The following HEXB variants were observed in gnomAD, a reference collection of about 807,000 sequenced individuals.
The protein encoded by HEXB is beta-hexosaminidase subunit beta.
A neutral mutation model predicts 71.2 loss-of-function variants in HEXB; 51 were observed. The observed-to-expected ratio is 0.72, with a 90% CI of 0.57 to 0.90. HEXB has a LOEUF of 0.90. Among genes scored for constraint, HEXB ranks in the 40% least tolerant of loss-of-function variants. HEXB has a pLI of 0.00. For missense variants in HEXB, 617 were observed against 677.0 expected (o/e 0.91, Z 0.98); for synonymous variants, 266 against 249.3 (o/e 1.07, Z -0.63).
At chr5:74,686,668 T>C (rs1580378044) in intron 1 of HEXB, among the ~76,000 whole-genome samples, 1 of 152,296 alleles carries the variant, frequency 6.6e-6, no homozygotes, top group African/African-American at 2.4e-5. Context: ...TACAACTAAA[T>C]GGGTATTATC....
At chr5:74,668,228 G>A (rs1748470128) in intron 1 of HEXB, among the ~76,000 whole-genome samples, 1 of 93,336 alleles carries the variant, frequency 1.1e-5, no homozygotes, top group African/African-American at 5.6e-5. Context: ...TTTTTGTTTT[G>A]TTTGTGTGTG....
rs1392819884 is a variant in HEXB at position 74,652,007 on chromosome 5, T to A, written c.-377+11449T>A. Among the ~76,000 whole-genome samples the A allele has an allele frequency of 2.0e-5, 3 of 152,212 alleles. No homozygotes were observed. The highest frequency in any genetic ancestry group is 4.8e-5 in the African/African-American group (2 of 41,464). The stretch of plus-strand genomic sequence containing the variant: ...TGCCAGCTCTGTGTAAAACTACTCT[T>A]ATGCCAGACAAACTAGGACGTGTCT... On this transcript the variant is annotated intron_variant, in intron 1 of 13. Transcript: ENST00000511181. This position sits in a 1 kb window ranked among gnomAD's most constrained non-coding sequence, Gnocchi z 5.4.
At chr5:74,648,404 C>T (rs1748040098) in intron 1 of HEXB, among the ~76,000 whole-genome samples, 1 of 152,184 alleles carries the variant, frequency 6.6e-6, no homozygotes, top group African/African-American at 2.4e-5. Context: ...TGGAGGCACA[C>T]TCAAATAGTA....
chr5:74,662,710 A>G (rs1748350104), intron 1 of HEXB, among the ~76,000 whole-genome samples: 1 of 152,230 alleles, frequency 6.6e-6, no homozygotes, highest in South Asian at 2.1e-4. Context: ...GCTTATTTAT[A>G]GGTAAAAATC....
intron 11 of HEXB, 121 bp downstream of exon 11, chr5:74,719,092 A>G: frequency 1.2e-6 from 1 of 863,306 alleles, no homozygotes; most frequent in South Asian, 1.4e-5. Context: ...AGAAGTCTTT[A>G]CCTAGATATT....
At chr5:74,688,823 G>T (rs1005327034) in intron 1 of HEXB, among the ~76,000 whole-genome samples, 11 of 152,198 alleles carry the variant, frequency 7.2e-5, no homozygotes, top group African/African-American at 2.7e-4. Flanking sequence ...TTTAGGGCAA[G>T]TTGACCAAGT....
At chr5:74,704,647 A>G (rs1749338928) in intron 5 of HEXB, among the ~76,000 whole-genome samples, 1 of 152,314 alleles carries the variant, frequency 6.6e-6, no homozygotes, top group African/African-American at 2.4e-5. Context: ...ACTGCTACAT[A>G]TTGGGAATCT....
chr5:74,673,399 G>A (rs768470448), intron 1 of HEXB, among the ~76,000 whole-genome samples: 3 of 152,170 alleles, frequency 2.0e-5, no homozygotes, highest in Non-Finnish European at 2.9e-5. Flanking sequence ...CAGGAGCTCC[G>A]TCCCTGCCAC....
At chr5:74,705,375 C>T in intron 6 of HEXB, 55 bp downstream of exon 6, 2 of 945,730 alleles carry the variant, frequency 2.1e-6, no homozygotes, top group Admixed American at 1.7e-5. Context: ...AGTTTCATTA[C>T]AAGTTTGTAG....
intron 1 of HEXB, among the ~76,000 whole-genome samples, chr5:74,672,057 G>A (rs1213724037): frequency 8.5e-5 from 13 of 152,210 alleles, no homozygotes; most frequent in Admixed American, 8.5e-4. Context: ...TGCAAAGCTT[G>A]CAGTCTGATC....
intron 1 of HEXB, among the ~76,000 whole-genome samples, chr5:74,665,116 G>A (rs79672733): frequency 0.016 from 2,462 of 152,208 alleles, 56 homozygotes; most frequent in African/African-American, 0.056. Flanking sequence ...AATTTAAAAT[G>A]TCCCCAAATA....
chr5:74,683,643 T>G (rs114321132), upstream of HEXB, among the ~76,000 whole-genome samples: 1,612 of 151,624 alleles, frequency 0.011, 22 homozygotes, highest in African/African-American at 0.037. Flanking sequence ...AAAAGAGGAA[T>G]TCTAGTTTCT....
At chr5:74,666,455 T>C (rs1270719279) in intron 1 of HEXB, among the ~76,000 whole-genome samples, 2 of 152,218 alleles carry the variant, frequency 1.3e-5, no homozygotes, top group South Asian at 2.1e-4. Flanking sequence ...CTGGTTGTCA[T>C]TGTCTGCAAG....
At position 74,652,254 on chromosome 5, in the gene HEXB, A is replaced by G. The variant is rs1169167842; in HGVS notation, c.-377+11696A>G. Among the ~76,000 whole-genome samples the G allele has an allele frequency of 2.0e-5, 3 of 152,176 alleles. No individual in the cohort carries two copies. The East Asian group carries it at 5.8e-4, about 29-fold the overall frequency. On this transcript the variant is annotated intron_variant, in intron 1 of 13. Transcript: ENST00000511181. The surrounding 1 kb of genome is among the most constrained non-coding windows in gnomAD (Gnocchi z 5.4). ...CATTATCTCCATTTTGCTCATGAGGAAACAGGGGCAATGATGCGTTTGAAC... is the reference window on the plus strand; with the variant it reads ...CATTATCTCCATTTTGCTCATGAGGGAACAGGGGCAATGATGCGTTTGAAC...
At position 74,685,362 on chromosome 5, in the gene HEXB, G is replaced by C; in HGVS notation, c.102G>C (p.Ala34=). 6.3e-7 allele frequency: 1 copy of C among 1,587,612 alleles called. No individual in the cohort carries two copies. The highest frequency in any genetic ancestry group is 2.3e-5 in the East Asian group (1 of 43,066). Residue 34 remains alanine, a synonymous_variant, in exon 1 of 14, where the codon GCG becomes GCC. Coordinates refer to ENST00000261416, the MANE Select transcript of HEXB (RefSeq NM_000521.4). ...TGTTGGCGCTGCTGACTCAGGTGGC[G>C]CTGGTGGTGCAGGTGGCGGAGGCGG... The part of the protein sequence containing the change: ...AAMLALLTQV[A]LVVQVAEAAR...
chr5:74,706,721 C>G (rs1033627458), intron 6 of HEXB, among the ~76,000 whole-genome samples: 2 of 152,156 alleles, frequency 1.3e-5, no homozygotes, highest in African/African-American at 4.8e-5. Context: ...GATCAAACTG[C>G]AAGGCGGCAG....
At chr5:74,647,945 C>T (rs1748031942) in intron 1 of HEXB, among the ~76,000 whole-genome samples, 2 of 152,194 alleles carry the variant, frequency 1.3e-5, no homozygotes, top group South Asian at 2.1e-4. Flanking sequence ...CTAGGCTTGG[C>T]CTGCCATCAG....
At chr5:74,673,471 G>C (rs771625973) in intron 1 of HEXB, among the ~76,000 whole-genome samples, 11 of 152,168 alleles carry the variant, frequency 7.2e-5, no homozygotes, top group Non-Finnish European at 1.6e-4. Context: ...CAGGTCCTAG[G>C]CTGTCCACCC....
At chr5:74,699,263 A>AC (rs916732284) in intron 5 of HEXB, among the ~76,000 whole-genome samples, 7 of 150,318 alleles carry the variant, frequency 4.7e-5, no homozygotes, top group African/African-American at 9.8e-5. Context: ...TACTTTTGCT[A>AC]CCCCCCACCC....
Sources: allele counts gnomAD v4.1 joint callset (sites outside exome capture counted in the v4.1 genomes callset), GRCh38; gene constraint gnomAD v4.1.1; non-coding constraint Gnocchi (gnomAD v3.1); transcripts MANE v1.5; gene names NCBI Gene and HGNC (gene_info 2026-07-23, HGNC 2026-07-21).